Variants in ARID3A observed in about 807,000 individuals in gnomAD.
ARID3A encodes AT-rich interaction domain 3A.
ARID3A carries 11 observed loss-of-function variants against 52.7 expected under a neutral mutation model. That is an observed-to-expected ratio of 0.21 (90% CI 0.13 to 0.35). The LOEUF (loss-of-function observed/expected upper bound fraction) is 0.35, where lower values mean the gene tolerates loss of function less well. ARID3A is among the 10% of genes least tolerant of loss of function. The pLI is 1.00. For missense variants in ARID3A, 721 were observed against 838.5 expected (o/e 0.86, Z 1.73); for synonymous variants, 404 against 359.4 (o/e 1.12, Z -1.40).
chr19:969,354 T>C (rs914600230), intron 8 of ARID3A, among the ~76,000 whole-genome samples: 14 of 151,186 alleles, frequency 9.3e-5, no homozygotes, highest in Non-Finnish European at 2.1e-4. Flanking sequence ...CTGGGCAACA[T>C]AGTGAGACCC....
chr19:953,552 G>A (rs572449158), intron 3 of ARID3A, among the ~76,000 whole-genome samples: 2 of 152,298 alleles, frequency 1.3e-5, no homozygotes, highest in South Asian at 4.1e-4. Context: ...GAGCCACGGA[G>A]TGTGTCTTGC....
At chr19:955,187 G>A (rs1057278586) in intron 3 of ARID3A, among the ~76,000 whole-genome samples, 8 of 152,198 alleles carry the variant, frequency 5.3e-5, no homozygotes, top group East Asian at 1.9e-4. Context: ...CCTGGACACC[G>A]CCATGGGCAG....
At chr19:949,365 G>A (rs1270599026) in intron 3 of ARID3A, among the ~76,000 whole-genome samples, 1 of 152,018 alleles carries the variant, frequency 6.6e-6, no homozygotes, top group Non-Finnish European at 1.5e-5. Flanking sequence ...CCTCCGCCGT[G>A]CCAGATAGCA....
At position 929,141 on chromosome 19, in the gene ARID3A, T is replaced by G. The variant is rs1229373220; in HGVS notation, c.-267-121T>G. 1 of 160,488 alleles carries G rather than the reference T, an allele frequency of 6.2e-6. No homozygotes were observed. The highest frequency in any genetic ancestry group is 1.4e-5 in the Non-Finnish European group (1 of 73,200). 9.9% of individuals were successfully genotyped at this position (160,488 alleles called of 1,614,324 possible). A position where few individuals can be genotyped will look rare whatever the true frequency, so the allele number is the denominator to read the frequency against. ...CTGCGCCTCTGCCTCCAAGAAGGCC[T>G]CCAGGTCTGCATCCTGCATGAGATG... On this transcript the variant is annotated intron_variant, in intron 1 of 8. Coordinates refer to ENST00000263620, the MANE Select transcript of ARID3A (RefSeq NM_005224.3). This position sits in a 1 kb window ranked among gnomAD's most constrained non-coding sequence, Gnocchi z 6.2.
chr19:973,977 T>A lies in ARID3A; in HGVS notation c.*1912T>A, dbSNP rs1470593569. 1 of 229,574 alleles carries A rather than the reference T, an allele frequency of 4.4e-6. No individual in the cohort carries two copies. Among genetic ancestry groups the A allele is most frequent in the Non-Finnish European group, 8.6e-6 (1 of 115,848 alleles). The allele number at this position is 229,574 out of a possible 1,614,324, so 14.2% of individuals were successfully genotyped here. A position where few individuals can be genotyped will look rare whatever the true frequency, so the allele number is the denominator to read the frequency against. On this transcript the variant is annotated 3_prime_UTR_variant, in exon 9 of 9. Coordinates refer to ENST00000263620, the MANE Select transcript of ARID3A (RefSeq NM_005224.3). ...GGGAGCTCTGGGCTTTCATTTCTCT[T>A]GGGGTGCAGTGGGGATTAACTCAGC...
Position 974,957 on chromosome 19 carries a change from G to C in ARID3A, c.*2892G>C. The C allele has an allele frequency of 4.3e-6, 1 of 230,902 alleles. No homozygotes were observed. The highest frequency in any genetic ancestry group is 1.3e-3 in the Middle Eastern group (1 of 778). The allele number at this position is 230,902 out of a possible 1,614,324, so 14.3% of individuals were successfully genotyped here. ...GCCATGCTGGCCGTGGAAATGGGAG[G>C]CGGTTGCAGAGGGTCTATGGGGCCC... is the stretch of plus-strand genomic sequence containing the variant. On this transcript the variant is annotated 3_prime_UTR_variant, in exon 9 of 9. Coordinates refer to ENST00000263620, the MANE Select transcript of ARID3A (RefSeq NM_005224.3).
Position 972,098 on chromosome 19 carries a change from A to G in ARID3A, c.*33A>G. ...ACTCCCCACCCGCCACCCACCCTGG[A>G]GCCCGCCGGCCTGGGCAGGGGGTCC... On this transcript the variant is annotated 3_prime_UTR_variant, in exon 9 of 9. Transcript: ENST00000263620. 3.3e-6 allele frequency: 5 copies of G among 1,500,334 alleles called. No homozygotes were observed. The highest frequency in any genetic ancestry group is 4.4e-6 in the Non-Finnish European group (5 of 1,128,498). 92.9% of individuals were successfully genotyped at this position (1,500,334 alleles called of 1,614,324 possible). A position where few individuals can be genotyped will look rare whatever the true frequency, so the allele number is the denominator to read the frequency against.
At chr19:936,790 G>T (rs993265138) in intron 3 of ARID3A, among the ~76,000 whole-genome samples, 1 of 152,070 alleles carries the variant, frequency 6.6e-6, no homozygotes, top group Admixed American at 6.6e-5. Context: ...ACAGTGAGCC[G>T]AGATCATGCC....
chr19:959,956 C>T lies in ARID3A; in HGVS notation c.694-136C>T, dbSNP rs1029892582. The T allele has an allele frequency of 1.6e-6, 1 of 606,228 alleles. No individual in the cohort carries two copies. Among genetic ancestry groups the T allele is most frequent in the African/African-American group, 1.9e-5 (1 of 51,858 alleles). The allele number at this position is 606,228 out of a possible 1,614,324, so 37.6% of individuals were successfully genotyped here. On this transcript the variant is annotated intron_variant, in intron 3 of 8. Transcript: ENST00000263620. This position sits in a 1 kb window ranked among gnomAD's most constrained non-coding sequence, Gnocchi z 5.0. Reference sequence around the variant, plus strand: ...CACCTGCCCAGCGGGGTCTTCGGCTCTGGCAGCGGCTTGAGGGTCCTAGGG... The same window carrying T: ...CACCTGCCCAGCGGGGTCTTCGGCTTTGGCAGCGGCTTGAGGGTCCTAGGG...
At chr19:948,931 AC>A (rs1410310048) in intron 3 of ARID3A, among the ~76,000 whole-genome samples, 1 of 150,802 alleles carries the variant, frequency 6.6e-6, no homozygotes, top group Non-Finnish European at 1.5e-5. Flanking sequence ...CTGGTCTCAA[AC>A]TCCTGACCTC....
Position 944,473 on chromosome 19 carries a change from A to G in ARID3A, c.693+11731A>G, listed in dbSNP as rs1353343395. ...GGCCTCAGCCCCGTTGCTTCGGTCG[A>G]TGCCCCCAAACCTTGACCCATCTCA... is the stretch of plus-strand genomic sequence containing the variant. On this transcript the variant is annotated intron_variant, in intron 3 of 8. Transcript: ENST00000263620. The surrounding 1 kb of genome is among the most constrained non-coding windows in gnomAD (Gnocchi z 5.9). Among the ~76,000 whole-genome samples, 1 of 151,958 alleles carries G rather than the reference A, an allele frequency of 6.6e-6. No individual in the cohort carries two copies. Among genetic ancestry groups the G allele is most frequent in the Admixed American group, 6.6e-5 (1 of 15,240 alleles).
At chr19:969,920 T>G (rs2038242498) in intron 8 of ARID3A, among the ~76,000 whole-genome samples, 1 of 152,072 alleles carries the variant, frequency 6.6e-6, no homozygotes, top group Non-Finnish European at 1.5e-5. Context: ...CTTGGACTCT[T>G]GACCTCAGGT....
Position 960,139 on chromosome 19 carries a change from C to T in ARID3A, c.741C>T (p.Asp247=). Residue 247 remains aspartate, a synonymous_variant, in exon 4 of 9, where the codon GAC becomes GAT. Coordinates refer to ENST00000263620, the MANE Select transcript of ARID3A (RefSeq NM_005224.3). The surrounding 1 kb of genome is among the most constrained non-coding windows in gnomAD (Gnocchi z 4.3). ...CCAAGAGGAAGGAATTCCTGGATGA[C>T]TTGTTCAGCTTCATGCAGAAGCGAG... ...GDPKRKEFLD[D]LFSFMQKRGT... The T allele has an allele frequency of 6.2e-7, 1 of 1,612,916 alleles. No individual in the cohort carries two copies. The highest frequency in any genetic ancestry group is 8.5e-7 in the Non-Finnish European group (1 of 1,179,340).
chr19:972,795 A>T lies in ARID3A; in HGVS notation c.*730A>T. On this transcript the variant is annotated 3_prime_UTR_variant, in exon 9 of 9. Coordinates refer to ENST00000263620, the MANE Select transcript of ARID3A (RefSeq NM_005224.3). ...AAACTGGTCTTGAAAAAGCAAGAAA[A>T]AAAAGCAAAAAAAAAAAAAAAAAAA... 1 of 143,546 alleles carries T rather than the reference A, an allele frequency of 7.0e-6. No individual in the cohort carries two copies. The highest frequency in any genetic ancestry group is 1.4e-5 in the Non-Finnish European group (1 of 72,236). The allele number at this position is 143,546 out of a possible 1,614,324, so 8.9% of individuals were successfully genotyped here.
In ARID3A at chr19:926,847, T is replaced by C. The variant is rs553257730; in HGVS notation, c.-268+788T>C. On this transcript the variant is annotated intron_variant, in intron 1 of 8. Transcript: ENST00000263620. ...CGCCGGCCCCGGGCGGCGGGTTCAA[T>C]TATCTTCCGTTTTTAGGCGCTCGGG... 2.6e-5 allele frequency among the ~76,000 whole-genome samples: 4 copies of C among 152,164 alleles called. No homozygotes were observed. The East Asian group carries it at 7.8e-4, about 30-fold the overall frequency.
At chr19:945,670 G>A (rs768716142) in intron 3 of ARID3A, among the ~76,000 whole-genome samples, 2 of 152,194 alleles carry the variant, frequency 1.3e-5, no homozygotes, top group Admixed American at 1.3e-4. Context: ...TAGGGTGGGA[G>A]GTGGAAGCAG....
chr19:958,749 C>T (rs1345383627), intron 3 of ARID3A, among the ~76,000 whole-genome samples: 7 of 151,936 alleles, frequency 4.6e-5, no homozygotes, highest in African/African-American at 1.4e-4. Context: ...AAAAATTATC[C>T]GGGCGTGGTG....
chr19:937,391 TTTTCACGGCTGAG>T (rs2037458922), intron 3 of ARID3A, among the ~76,000 whole-genome samples: 1 of 152,216 alleles, frequency 6.6e-6, no homozygotes, highest in Admixed American at 6.5e-5. Context: ...GTCTCCTTCC[TTTTCACGGCTGAG>T]TCATACTCCG....
In ARID3A at chr19:964,497, G is replaced by T. The variant is rs2038105831; in HGVS notation, c.950+66G>T. 2.7e-6 allele frequency: 4 copies of T among 1,495,046 alleles called. No homozygotes were observed. Among genetic ancestry groups the T allele is most frequent in the Admixed American group, 4.2e-5 (2 of 47,598 alleles). 92.6% of individuals were successfully genotyped at this position (1,495,046 alleles called of 1,614,324 possible). On this transcript the variant is annotated intron_variant, in intron 5 of 8. Coordinates refer to ENST00000263620, the MANE Select transcript of ARID3A (RefSeq NM_005224.3). The surrounding 1 kb of genome is among the most constrained non-coding windows in gnomAD (Gnocchi z 5.7). Reference sequence around the variant, plus strand: ...TCTGAGCAGCCAGTGCAAGGGGCCTGCAGAAGAGGGAGGGGGTGGTGGGCA... The same window carrying T: ...TCTGAGCAGCCAGTGCAAGGGGCCTTCAGAAGAGGGAGGGGGTGGTGGGCA...
Sources: gnomAD v4.1 joint callset for allele counts (sites outside exome capture counted in the v4.1 genomes callset) on GRCh38, gnomAD v4.1.1 for gene constraint, Gnocchi (gnomAD v3.1) non-coding constraint, MANE v1.5 for transcripts, NCBI Gene and HGNC (gene_info 2026-07-23, HGNC 2026-07-21) for gene names.